SLC34A2: variants seen among roughly 807,000 people sequenced by gnomAD.
SLC34A2 encodes the protein solute carrier family 34 member 2, also known as sodium-dependent phosphate transport protein 2B.
A neutral mutation model predicts 50.8 loss-of-function variants in SLC34A2; 41 were observed. The ratio of observed to expected loss-of-function variants is 0.81; its 90% CI spans 0.63 to 1.05. The LOEUF (loss-of-function observed/expected upper bound fraction) is 1.05. SLC34A2 is among the 50% of genes least tolerant of loss of function. The probability of loss-of-function intolerance (pLI) is 0.00; values close to 1 mark genes in which losing one functional copy is unlikely to be tolerated. For missense variants in SLC34A2, 879 were observed against 876.7 expected (o/e 1.00, Z -0.03); for synonymous variants, 401 against 364.2 (o/e 1.10, Z -1.15).
intron 1 of SLC34A2, among the ~76,000 whole-genome samples, chr4:25,659,810 G>T (rs1714085210): frequency 6.6e-6 from 1 of 152,108 alleles, no homozygotes. Flanking sequence ...TGAGCTTAGA[G>T]GTTGAGTTGC....
Position 25,669,714 on chromosome 4 carries a change from G to T in SLC34A2, c.703G>T (p.Glu235Ter). 2 of 1,614,168 alleles carry T rather than the reference G, an allele frequency of 1.2e-6. No individual in the cohort carries two copies. The highest frequency in any genetic ancestry group is 1.7e-6 in the Non-Finnish European group (2 of 1,180,034). The change falls in exon 7 of 13, where the codon GAG becomes TAG. Residue 235 changes from glutamate to a stop codon, truncating the protein, a stop_gained. Transcript: ENST00000382051. LOFTEE classifies it high-confidence loss of function. ...GTCCGTGTTGGTGCTCTTGCCCGTG[G>T]AGGTGGCCACCCATTACCTCGAGAT... ...WLSVLVLLPV[E>*]VATHYLEIIT...
In SLC34A2 at chr4:25,662,724, T is replaced by C. The variant is rs1191663150; in HGVS notation, c.132T>C (p.Pro44=). The C allele has an allele frequency of 1.2e-6, 2 of 1,614,046 alleles. No individual in the cohort carries two copies. Among genetic ancestry groups the C allele is most frequent in the East Asian group, 2.2e-5 (1 of 44,880 alleles). Residue 44 remains proline, a synonymous_variant, in exon 3 of 13, where the codon CCT becomes CCC. Transcript: ENST00000382051. ...TTTCAGCAGATAACACTGAGGCACC[T>C]GTAACCAAGATTGAACTTCTGCCGT... ...ETNKTDNTEA[P]VTKIELLPSY... is the part of the protein sequence containing the mutation.
chr4:25,668,345 C>A (rs1577497258), intron 6 of SLC34A2, among the ~76,000 whole-genome samples: 1 of 152,202 alleles, frequency 6.6e-6, no homozygotes, highest in African/African-American at 2.4e-5. Flanking sequence ...TGAAGCAAGG[C>A]CAGTTAGAAG....
chr4:25,669,357 A>G (rs1296477304), intron 6 of SLC34A2, among the ~76,000 whole-genome samples: 1 of 152,246 alleles, frequency 6.6e-6, no homozygotes, highest in Non-Finnish European at 1.5e-5. Context: ...TTCAATATAC[A>G]TGATACAAAA....
chr4:25,657,658 C>T (rs977832478), intron 1 of SLC34A2, among the ~76,000 whole-genome samples: 2 of 152,166 alleles, frequency 1.3e-5, no homozygotes, highest in African/African-American at 4.8e-5. Flanking sequence ...TAGTGTGCCA[C>T]ATCAAAAATG....
At chr4:25,668,655 A>AATT (rs33941023) in intron 6 of SLC34A2, among the ~76,000 whole-genome samples, 1 of 145,522 alleles carries the variant, frequency 6.9e-6, no homozygotes, top group African/African-American at 2.6e-5. Flanking sequence ...AAAAAAAAAA[A>AATT]AATAAATAAA....
Position 25,678,608 on chromosome 4 carries a change from T to C in SLC34A2, c.*1859T>C, listed in dbSNP as rs1222869869. On this transcript the variant is annotated 3_prime_UTR_variant, in exon 13 of 13. Coordinates refer to ENST00000382051, the MANE Select transcript of SLC34A2 (RefSeq NM_006424.3). ...GTTGCTCAGGCTGGTCTCAAACTCC[T>C]GAGATCAAGCAATCCGCCCACCTCA... 6.7e-6 allele frequency: 2 copies of C among 299,750 alleles called. No homozygotes were observed. Among genetic ancestry groups the C allele is most frequent in the Admixed American group, 4.3e-5 (1 of 23,012 alleles). 18.6% of individuals were successfully genotyped at this position (299,750 alleles called of 1,614,324 possible).
At chr4:25,663,342 C>A (rs996131498) in intron 3 of SLC34A2, among the ~76,000 whole-genome samples, 6 of 152,132 alleles carry the variant, frequency 3.9e-5, no homozygotes, top group Non-Finnish European at 7.3e-5. Context: ...GTGGTTATAG[C>A]AAAGATGGAC....
chr4:25,675,032 T>A (rs1469629719), intron 12 of SLC34A2, among the ~76,000 whole-genome samples: 1 of 152,170 alleles, frequency 6.6e-6, no homozygotes, highest in African/African-American at 2.4e-5. Flanking sequence ...TATTTATTTA[T>A]TTTTATTTTA....
intron 9 of SLC34A2, among the ~76,000 whole-genome samples, chr4:25,672,532 C>G (rs1409913631): frequency 6.6e-6 from 1 of 152,136 alleles, no homozygotes; most frequent in Non-Finnish European, 1.5e-5. Flanking sequence ...CTCTGCTTCT[C>G]TCTTCTCACC....
chr4:25,673,860 G>A (rs1351942399), intron 10 of SLC34A2, among the ~76,000 whole-genome samples: 1 of 152,194 alleles, frequency 6.6e-6, no homozygotes, highest in Non-Finnish European at 1.5e-5. Flanking sequence ...GCCTGATCCG[G>A]TGCTAGTTGG....
intron 6 of SLC34A2, among the ~76,000 whole-genome samples, chr4:25,668,857 G>GA (rs1714656007): frequency 1.3e-5 from 2 of 149,114 alleles, no homozygotes; most frequent in South Asian, 4.2e-4. Context: ...AGGTTAATGT[G>GA]AAAATTAAGT....
Position 25,671,583 on chromosome 4 carries a change from G to C in SLC34A2, c.928-18G>C, listed in dbSNP as rs199873678. The C allele has an allele frequency of 2.5e-6, 4 of 1,612,476 alleles. No individual in the cohort carries two copies. The Middle Eastern group carries it at 5.0e-4, about 200-fold the overall frequency. ...CTAAAAGCCAGTGTTGTGGGCATTT[G>C]TCATGTTTGTCATCCAGACCCAGAT... On this transcript the variant is annotated intron_variant, in intron 8 of 12. Transcript: ENST00000382051.
rs576225512 is a variant in SLC34A2, at chr4:25,673,140, T to C, written c.1102T>C (p.Leu368=). The part of the protein sequence containing the change: ...HLPDLAVGTI[L]LILSLLVLCG... ...CCCGGATCTTGCTGTGGGCACCATC[T>C]TGCTCATACTCTCCCTGCTGGTCCT... Residue 368 remains leucine, a synonymous_variant, in exon 10 of 13, where the codon TTG becomes CTG. Coordinates refer to ENST00000382051, the MANE Select transcript of SLC34A2 (RefSeq NM_006424.3). 1 of 1,614,172 alleles carries C rather than the reference T, an allele frequency of 6.2e-7. No homozygotes were observed. The highest frequency in any genetic ancestry group is 1.1e-5 in the South Asian group (1 of 91,066).
chr4:25,673,313 G>A (rs538051167), intron 10 of SLC34A2, 59 bp downstream of exon 10: 4 of 1,516,994 alleles, frequency 2.6e-6, no homozygotes, highest in African/African-American at 1.4e-5. Context: ...GGGTGTGGGG[G>A]TCCTTTAGAT....
intron 5 of SLC34A2, 107 bp from the exon 6 acceptor site, chr4:25,667,773 G>C: frequency 1.3e-6 from 1 of 747,652 alleles, no homozygotes; most frequent in Non-Finnish European, 2.4e-6. Flanking sequence ...GAATTCACTT[G>C]CATAGAGGAT....
chr4:25,656,993 AG>A (rs2109043732), intron 1 of SLC34A2, among the ~76,000 whole-genome samples: 1 of 152,324 alleles, frequency 6.6e-6, no homozygotes, highest in East Asian at 1.9e-4. Flanking sequence ...AGATTGTTAA[AG>A]AAAAACAAAA....
intron 9 of SLC34A2, 86 bp downstream of exon 9, chr4:25,671,807 G>T (rs555428879): frequency 2.5e-6 from 4 of 1,592,506 alleles, no homozygotes; most frequent in Non-Finnish European, 3.4e-6. Context: ...AGTAAGTGAA[G>T]GAAAGGACAG....
chr4:25,676,781 T>C lies in SLC34A2; in HGVS notation c.*32T>C, dbSNP rs759046335. On this transcript the variant is annotated 3_prime_UTR_variant, in exon 13 of 13. Transcript: ENST00000382051. ...CCCCAGATTGTCAGGGATGGGGGGA[T>C]GGTCCTTGAGTTTTGCATGCTCTCC... 1 of 1,613,682 alleles carries C rather than the reference T, an allele frequency of 6.2e-7. No individual in the cohort carries two copies. The highest frequency in any genetic ancestry group is 8.5e-7 in the Non-Finnish European group (1 of 1,179,950).
Sources: allele counts gnomAD v4.1 joint callset (sites outside exome capture counted in the v4.1 genomes callset), GRCh38; gene constraint gnomAD v4.1.1; transcripts MANE v1.5; gene names NCBI Gene and HGNC (gene_info 2026-07-23, HGNC 2026-07-21).